The following CDKL5 variants were observed in gnomAD, a reference collection of about 807,000 sequenced individuals.
CDKL5 encodes cyclin dependent kinase like 5.
CDKL5 carries 8 observed loss-of-function variants against 61.7 expected under a neutral mutation model. The ratio of observed to expected loss-of-function variants is 0.13; its 90% CI spans 0.08 to 0.23. The LOEUF (loss-of-function observed/expected upper bound fraction) is 0.23. Among genes scored for constraint, CDKL5 ranks in the 10% least tolerant of loss-of-function variants. The pLI is 1.00. For synonymous variants in CDKL5, 275 were observed against 272.3 expected, an observed-to-expected ratio of 1.01 and a Z score of -0.10; for missense variants, 440 against 734.5, an observed-to-expected ratio of 0.60 and a Z score of 4.63.
chrX:18,560,766 A>T (rs973793054), intron 3 of CDKL5, among the ~76,000 whole-genome samples: 1 of 45,999 alleles, frequency 2.2e-5, no homozygotes, highest in Admixed American at 3.3e-4. Context: ...GGTATTATTG[A>T]TTCAAAAAAT....
chrX:18,469,338 CAAAAAAAAAAAAA>C (rs34096001), intron 1 of CDKL5, among the ~76,000 whole-genome samples: 2 of 15,670 alleles, frequency 1.3e-4, no homozygotes, highest in East Asian at 2.6e-3. Context: ...GACTCTGTCT[CAAAAAAAAAAAAA>C]AAAAAAAAAA....
intron 1 of CDKL5, among the ~76,000 whole-genome samples, chrX:18,452,925 G>T (rs572356547): frequency 2.9e-5 from 3 of 102,638 alleles, no homozygotes; most frequent in African/African-American, 1.1e-4. Context: ...CCACCTCCTG[G>T]GTTCAAGTGA....
chrX:18,584,408 C>A, intron 8 of CDKL5, 55 bp downstream of exon 8: 1 of 799,576 alleles, frequency 1.3e-6, no homozygotes. Context: ...ATTCTATTGT[C>A]ATTTGCTTTG....
At chrX:18,440,693 G>A (rs749561030) in intron 1 of CDKL5, among the ~76,000 whole-genome samples, 1 of 111,571 alleles carries the variant, frequency 9.0e-6, no homozygotes, top group Admixed American at 9.6e-5. Context: ...GGCTGGTCTC[G>A]AACTCCTGAC....
intron 12 of CDKL5, among the ~76,000 whole-genome samples, chrX:18,608,381 A>G (rs1034799586): frequency 8.9e-6 from 1 of 112,209 alleles, no homozygotes. Flanking sequence ...TGACTTTGCC[A>G]TATAAGTCCT....
chrX:18,456,130 C>T (rs1932135486), intron 1 of CDKL5, among the ~76,000 whole-genome samples: 1 of 109,070 alleles, frequency 9.2e-6, no homozygotes, highest in African/African-American at 3.3e-5. Flanking sequence ...ATCTCCGCCT[C>T]CCAGGTTCAA....
chrX:18,436,522 GA>G (rs766031015), intron 1 of CDKL5, among the ~76,000 whole-genome samples: 99 of 111,023 alleles, frequency 8.9e-4, no homozygotes, highest in African/African-American at 2.8e-3. Context: ...TCTAGTTGGG[GA>G]AATAAGTTTT....
chrX:18,588,712 A>T (rs76385540), intron 9 of CDKL5: 2,459 of 111,171 alleles, frequency 0.022, 65 homozygotes, highest in East Asian at 0.18. Flanking sequence ...CAGGAGTTCG[A>T]GACCAGCCTG....
At chrX:18,597,750 C>T (rs1926048932) in intron 10 of CDKL5, among the ~76,000 whole-genome samples, 1 of 108,931 alleles carries the variant, frequency 9.2e-6, no homozygotes, top group East Asian at 2.9e-4. Flanking sequence ...GCATGAGCCA[C>T]CACGCCCAGC....
rs910145624 is a variant in CDKL5 at position 18,429,303 on chromosome X, A to G, written c.-163+3608A>G. On this transcript the variant is annotated intron_variant, in intron 1 of 17. Coordinates refer to ENST00000623535, the MANE Select transcript of CDKL5 (RefSeq NM_001323289.2). Reference sequence around the variant, plus strand: ...CTTAGAAACATTGGGGTTTGAGACAATCCTAATCAGGGTCAGGTTTTGGGT... The same window carrying G: ...CTTAGAAACATTGGGGTTTGAGACAGTCCTAATCAGGGTCAGGTTTTGGGT... Among the ~76,000 whole-genome samples the G allele has an allele frequency of 6.3e-5, 7 of 111,852 alleles. No homozygotes were observed. In the South Asian group the frequency reaches 1.1e-3, roughly 18 times the overall value.
At chrX:18,443,731 C>CCTCA (rs1931806303) in intron 1 of CDKL5, 1 of 111,608 alleles carries the variant, frequency 9.0e-6, no homozygotes, top group Non-Finnish European at 1.9e-5. Context: ...CATCCTCCAC[C>CCTCA]CTCAGGTAGT....
intron 1 of CDKL5, among the ~76,000 whole-genome samples, chrX:18,454,204 T>C (rs1932087133): frequency 1.8e-5 from 2 of 111,689 alleles, no homozygotes; most frequent in African/African-American, 6.5e-5. Flanking sequence ...AATGCACATA[T>C]AACTATTTTG....
At chrX:18,617,563 TC>T (rs1294635121) in intron 15 of CDKL5, among the ~76,000 whole-genome samples, 1 of 112,223 alleles carries the variant, frequency 8.9e-6, no homozygotes, top group African/African-American at 3.2e-5. Flanking sequence ...GTGCCTTTGT[TC>T]CAGCCAGCCT....
At chrX:18,495,027 C>G (rs1922120734) in intron 1 of CDKL5, among the ~76,000 whole-genome samples, 2 of 112,087 alleles carry the variant, frequency 1.8e-5, no homozygotes, top group South Asian at 7.4e-4. Flanking sequence ...CAAGGCCGTG[C>G]CTTCCATAGA....
chrX:18,625,363 C>T, intron 17 of CDKL5, 116 bp downstream of exon 17: 1 of 817,253 alleles, frequency 1.2e-6, no homozygotes, highest in Non-Finnish European at 1.8e-6. Flanking sequence ...AGGCTGAGCA[C>T]CTCCTCAAAA....
chrX:18,452,987 C>T (rs1420127768), intron 1 of CDKL5, among the ~76,000 whole-genome samples: 2 of 108,528 alleles, frequency 1.8e-5, no homozygotes, highest in African/African-American at 6.7e-5. Context: ...TGCACCACGA[C>T]GCCTGGCTAA....
rs587783156 is a variant in CDKL5 at position 18,628,429 on chromosome X, C to T, written c.2555C>T (p.Pro852Leu). The T allele has an allele frequency of 2.5e-5, 30 of 1,209,931 alleles. No individual in the cohort carries two copies. In the African/African-American group the frequency reaches 3.8e-4, roughly 15 times the overall value. The change falls in exon 18 of 18, where the codon CCG becomes CTG. Residue 852 changes from proline (P) to leucine (L), a missense_variant. Physicochemically the swap from Pro to Leu is moderately conservative, Grantham distance 98. Around this residue, in one of 2 missense-constraint regions of CDKL5, gnomAD observed 363 missense variants for 516.3 expected, o/e 0.70. Transcript: ENST00000623535. The stretch of plus-strand genomic sequence containing the variant: ...CATCTCTCTTCGGCCTCAAATCACC[C>T]GGCTTCCTCAGATCCCCGCTTCCAG... The part of the protein sequence containing the change: ...LLHLSSASNH[P>L]ASSDPRFQPL...
chrX:18,559,295 G>C (rs1389819608), intron 3 of CDKL5, among the ~76,000 whole-genome samples: 1 of 111,695 alleles, frequency 9.0e-6, no homozygotes, highest in African/African-American at 3.3e-5. Context: ...TGCAACCTCT[G>C]CCTCCTGGGT....
chrX:18,480,525 A>G (rs746615073), intron 1 of CDKL5, among the ~76,000 whole-genome samples: 1 of 111,478 alleles, frequency 9.0e-6, no homozygotes, highest in Admixed American at 9.6e-5. Flanking sequence ...GAAAGTTACT[A>G]TGTGCAGCCC....
Sources: gnomAD v4.1 joint callset for allele counts (sites outside exome capture counted in the v4.1 genomes callset) on GRCh38, gnomAD v4.1.1 for gene constraint, gnomAD v4.1.1 regional missense constraint, MANE v1.5 for transcripts, NCBI Gene and HGNC (gene_info 2026-07-23, HGNC 2026-07-21) for gene names.